The following BPIFC variants were observed in gnomAD, a reference collection of about 807,000 sequenced individuals.
BPIFC encodes BPI fold containing family C.
A neutral mutation model predicts 57.6 loss-of-function variants in BPIFC; 60 were observed. The ratio of observed to expected loss-of-function variants is 1.04; its 90% CI spans 0.85 to 1.29. BPIFC has a LOEUF of 1.29. Among genes scored for constraint, BPIFC ranks in the 50% most tolerant of loss-of-function variants. The pLI, the probability that BPIFC is intolerant of heterozygous loss-of-function variation, is 0.00. For missense variants in BPIFC, 581 were observed against 600.5 expected, an observed-to-expected ratio of 0.97 and a Z score of 0.34; for synonymous variants, 243 against 224.5, an observed-to-expected ratio of 1.08 and a Z score of -0.74.
chr22:32,416,058 A>G, intron 15 of BPIFC, 67 bp from the exon 16 acceptor site: 1 of 1,000,624 alleles, frequency 1.0e-6, no homozygotes, highest in South Asian at 1.6e-5. Context: ...GCTTTTTAGT[A>G]AGAGACTGAC....
chr22:32,446,185 G>A lies in BPIFC; in HGVS notation c.375-189C>T, dbSNP rs16990479. On this transcript the variant is annotated intron_variant, in intron 5 of 16. Transcript: ENST00000300399. Reference sequence around the variant, plus strand: ...ATTGAATATTCCCAGAACAGACGAAGTACTGAATATGTGAAAGCTAACAGC... The same window carrying A: ...ATTGAATATTCCCAGAACAGACGAAATACTGAATATGTGAAAGCTAACAGC... 5.3e-3 allele frequency among the ~76,000 whole-genome samples: 806 copies of A among 152,260 alleles called. 8 individuals carry two copies. The highest frequency in any genetic ancestry group is 0.019 in the African/African-American group (777 of 41,528).
At position 32,432,421 on chromosome 22, in the gene BPIFC, G is replaced by A. The variant is rs968579277; in HGVS notation, c.1101C>T (p.Leu367=). ...CAACTGTGGAGTTCTTGGGTTGGGT[G>A]AGCATCATGATGGAGGCAGGGATGT... The part of the protein sequence containing the change: ...TLDIPASIMM[L]TQPKNSTVET... Residue 367 remains leucine (L), a synonymous_variant, in exon 12 of 17, where the codon CTC becomes CTT. Transcript: ENST00000300399. The A allele has an allele frequency of 1.2e-6, 2 of 1,614,000 alleles. No individual in the cohort carries two copies. The highest frequency in any genetic ancestry group is 2.2e-5 in the East Asian group (1 of 44,872).
chr22:32,464,298 G>A (rs1935216815), intron 1 of BPIFC, 76 bp downstream of exon 1: 2 of 652,012 alleles, frequency 3.1e-6, no homozygotes, highest in Non-Finnish European at 3.8e-6. Flanking sequence ...TGTTCAAAGT[G>A]TCCTACCAAA....
intron 1 of BPIFC, among the ~76,000 whole-genome samples, 195 bp from the exon 2 acceptor site, chr22:32,461,856 C>T (rs1052439587): frequency 6.6e-6 from 1 of 152,132 alleles, no homozygotes; most frequent in Non-Finnish European, 1.5e-5. Context: ...CCAAGACAGG[C>T]ATTAGAGAGA....
intron 3 of BPIFC, among the ~76,000 whole-genome samples, chr22:32,454,966 C>T (rs1601484287): frequency 6.6e-6 from 1 of 151,906 alleles, no homozygotes; most frequent in South Asian, 2.1e-4. Context: ...GGCCAGACAG[C>T]ATTCTAAGCG....
rs1457694294 is a variant in BPIFC, at chr22:32,431,370, C to G, written c.1194G>C (p.Leu398=). ...ACCTGTTCAGAGACAAGGAGCAGACCAGTCTTTGTCCCAAAATAACCAGGC... is the reference window on the plus strand; with the variant it reads ...ACCTGTTCAGAGACAAGGAGCAGACGAGTCTTTGTCCCAAAATAACCAGGC... ...SVGLVILGQR[L]VCSLSLNRFR... The change falls in exon 13 of 17, where the codon CTG becomes CTC. Residue 398 remains leucine (L), a synonymous_variant. Transcript: ENST00000300399. 1.1e-5 allele frequency: 17 copies of G among 1,612,002 alleles called. No individual in the cohort carries two copies. The Admixed American group carries it at 2.8e-4, about 27-fold the overall frequency.
In BPIFC at chr22:32,445,653, T is replaced by C; in HGVS notation, c.576A>G (p.Leu192=). ...SFAEPMEKPI[L]KNLNEMLCPI... ...GACTCACCATTTCATTTAAGTTCTT[T>C]AAAATGGGTTTCTCCATGGGCTCAG... The change falls in exon 7 of 17, where the codon TTA becomes TTG. Residue 192 remains leucine (L), a synonymous_variant. Transcript: ENST00000300399. 2 of 1,538,534 alleles carry C rather than the reference T, an allele frequency of 1.3e-6. No homozygotes were observed.
intron 13 of BPIFC, among the ~76,000 whole-genome samples, chr22:32,422,929 T>C (rs56252916): frequency 0.097 from 14,836 of 152,216 alleles, 1,173 homozygotes; most frequent in African/African-American, 0.21. Flanking sequence ...ATAGAAACCA[T>C]TGTCCTTCTG....
intron 14 of BPIFC, 39 bp downstream of exon 14, chr22:32,419,323 C>T: frequency 6.3e-7 from 1 of 1,584,784 alleles, no homozygotes; most frequent in Non-Finnish European, 8.6e-7. Context: ...AATCCTCGTT[C>T]TTCCAGTGCT....
intron 2 of BPIFC, among the ~76,000 whole-genome samples, chr22:32,459,108 G>A (rs925940243): frequency 5.9e-5 from 9 of 152,144 alleles, no homozygotes; most frequent in Non-Finnish European, 1.3e-4. Flanking sequence ...TTACAATCTG[G>A]GTGAGCTATC....
intron 13 of BPIFC, 21 bp from the exon 14 acceptor site, chr22:32,419,425 T>C (rs748115890): frequency 2.5e-6 from 4 of 1,608,952 alleles, no homozygotes; most frequent in Non-Finnish European, 3.4e-6. Flanking sequence ...ACAAGAAAAG[T>C]TTAAAGGATT....
chr22:32,419,407 A>G lies in BPIFC; in HGVS notation c.1218-3T>C. On this transcript the variant is annotated splice_polypyrimidine_tract_variant and splice_region_variant and intron_variant, in intron 13 of 16. Transcript: ENST00000300399. ...ACTCTGGCAAAGCAAGGCGGAATCT[A>G]AAAGAAAACAAGAAAAGTTTAAAGG... The G allele has an allele frequency of 6.2e-7, 1 of 1,613,154 alleles. No individual in the cohort carries two copies. The highest frequency in any genetic ancestry group is 8.5e-7 in the Non-Finnish European group (1 of 1,179,218).
chr22:32,416,805 G>A (rs111414274), intron 15 of BPIFC, among the ~76,000 whole-genome samples: 194 of 152,306 alleles, frequency 1.3e-3, no homozygotes, highest in African/African-American at 4.3e-3. Context: ...TACTGCCTAA[G>A]GAGCATGGTT....
chr22:32,461,431 G>A (rs1455484178), intron 2 of BPIFC, 143 bp downstream of exon 2: 1 of 264,950 alleles, frequency 3.8e-6, no homozygotes, highest in Middle Eastern at 1.9e-3. Context: ...TTGGGTAGGA[G>A]AGGAGGATCT....
chr22:32,437,687 A>T, intron 9 of BPIFC, 73 bp downstream of exon 9: 11 of 1,127,862 alleles, frequency 9.8e-6, no homozygotes, highest in Non-Finnish European at 1.5e-5. Flanking sequence ...CACCGTGCCC[A>T]GTCCATAATC....
At chr22:32,422,436 G>C (rs2145914279) in intron 13 of BPIFC, among the ~76,000 whole-genome samples, 1 of 152,292 alleles carries the variant, frequency 6.6e-6, no homozygotes, top group East Asian at 1.9e-4. Flanking sequence ...GCTGGGCGCG[G>C]TGGCTCACAC....
intron 12 of BPIFC, 27 bp downstream of exon 12, chr22:32,432,346 G>A: frequency 1.2e-6 from 2 of 1,611,850 alleles, no homozygotes; most frequent in South Asian, 2.2e-5. Flanking sequence ...GCATCTACAG[G>A]CTGCTCCACT....
intron 2 of BPIFC, among the ~76,000 whole-genome samples, chr22:32,458,743 G>A (rs1337778397): frequency 1.3e-5 from 2 of 152,146 alleles, no homozygotes; most frequent in Admixed American, 6.5e-5. Flanking sequence ...ACACCATCCC[G>A]TATTGTGACT....
intron 8 of BPIFC, among the ~76,000 whole-genome samples, chr22:32,440,040 T>C (rs181012559): frequency 2.6e-4 from 39 of 152,338 alleles, no homozygotes; most frequent in African/African-American, 8.4e-4. Context: ...ATGGTGATCC[T>C]TGGCTACTTC....
Sources: gnomAD v4.1 joint callset for allele counts (sites outside exome capture counted in the v4.1 genomes callset) on GRCh38, gnomAD v4.1.1 for gene constraint, MANE v1.5 for transcripts, NCBI Gene and HGNC (gene_info 2026-07-23, HGNC 2026-07-21) for gene names.